The following RAET1G variants were observed in gnomAD, a reference collection of about 807,000 sequenced individuals.
RAET1G encodes UL-16 binding protein 5.
A neutral mutation model predicts 29.5 loss-of-function variants in RAET1G; 25 were observed. The ratio of observed to expected loss-of-function variants is 0.85; its 90% CI spans 0.62 to 1.18. RAET1G has a LOEUF of 1.18. Ranked by LOEUF, RAET1G falls within the 50% of genes most tolerant of loss-of-function variation. The pLI is 0.00. For synonymous variants in RAET1G, 167 were observed against 159.5 expected (o/e 1.05, Z -0.36); for missense variants, 434 against 423.6 (o/e 1.02, Z -0.22).
intron 4 of RAET1G, among the ~76,000 whole-genome samples, chr6:149,917,859 A>G (rs1362144071): frequency 6.6e-6 from 1 of 152,130 alleles, no homozygotes; most frequent in Non-Finnish European, 1.5e-5. Context: ...CCTGCAGGCC[A>G]CACACCCTTC....
chr6:149,920,795 C>T (rs1210511658), intron 1 of RAET1G, among the ~76,000 whole-genome samples: 1 of 152,144 alleles, frequency 6.6e-6, no homozygotes, highest in Non-Finnish European at 1.5e-5. Context: ...GCTCATAGAA[C>T]AAAGGGGTCC....
intron 4 of RAET1G, 53 bp from the exon 5 acceptor site, chr6:149,917,127 CTCGGACT>C: frequency 6.7e-7 from 1 of 1,481,682 alleles, no homozygotes; most frequent in Non-Finnish European, 9.0e-7. Context: ...CTATGTATTT[CTCGGACT>C]TCAATACTTT....
chr6:149,919,508 A>C, intron 2 of RAET1G, 45 bp downstream of exon 2: 1 of 1,613,936 alleles, frequency 6.2e-7, no homozygotes. Context: ...CCTCTAACCT[A>C]CCACTGTATC....
In RAET1G at chr6:149,918,251, AG is replaced by A. The variant is rs758938027; in HGVS notation, c.764del (p.Pro255LeufsTer19). ...HSLTQSHGHH[P>X]QSLQPPPHPP... The stretch of plus-strand genomic sequence containing the variant: ...GATGAGGAGGAGGCTGCAGGGACTG[AG>A]GGTGGTGGCCATGGCTTTGGGTCAG... On this transcript the variant is annotated frameshift_variant, in exon 4 of 5. Coordinates refer to ENST00000367360, the MANE Select transcript of RAET1G (RefSeq NM_001001788.4). LOFTEE classifies it high-confidence loss of function. 2.5e-6 allele frequency: 4 copies of A among 1,614,122 alleles called. No individual in the cohort carries two copies. The highest frequency in any genetic ancestry group is 1.6e-4 in the Middle Eastern group (1 of 6,062).
chr6:149,916,912 T>C lies in RAET1G; in HGVS notation c.1005A>G (p.Ter335TrpextTer?). ...AAAGACAGCTGGGCCCAGGGAACCATCAAGATATGGAGACCTGTAGTGGCT... is the reference window on the plus strand; with the variant it reads ...AAAGACAGCTGGGCCCAGGGAACCACCAAGATATGGAGACCTGTAGTGGCT... The part of the protein sequence containing the change: ...YSEPLQVSIS[*>W] The change falls in exon 5 of 5, where the codon TGA becomes TGG. Residue 335 changes from the stop codon to tryptophan, a stop_lost. Transcript: ENST00000367360. 1.3e-6 allele frequency: 2 copies of C among 1,509,402 alleles called. No homozygotes were observed. Among genetic ancestry groups the C allele is most frequent in the South Asian group, 1.3e-5 (1 of 77,208 alleles). 93.5% of individuals were successfully genotyped at this position (1,509,402 alleles called of 1,614,324 possible).
Position 149,918,619 on chromosome 6 carries a change from C to T in RAET1G, c.632-235G>A, listed in dbSNP as rs1484319637. 9.6e-6 allele frequency: 6 copies of T among 625,080 alleles called. No individual in the cohort carries two copies. The Admixed American group carries it at 1.2e-4, about 12-fold the overall frequency. 38.7% of individuals were successfully genotyped at this position (625,080 alleles called of 1,614,324 possible). A position where few individuals can be genotyped will look rare whatever the true frequency, so the allele number is the denominator to read the frequency against. On this transcript the variant is annotated intron_variant, in intron 3 of 4. Transcript: ENST00000367360. ...GGTGACAGCAAAGCCCACCCTCCTG[C>T]TGTGGCGGAAGAGGAGGTGATGCTC...
intron 1 of RAET1G, among the ~76,000 whole-genome samples, chr6:149,922,405 G>C (rs539009594): frequency 9.3e-4 from 141 of 152,246 alleles, no homozygotes; most frequent in African/African-American, 3.2e-3. Flanking sequence ...CTGCTGAGCC[G>C]CTGGGTGCAG....
chr6:149,917,362 G>A (rs6904335), intron 4 of RAET1G, among the ~76,000 whole-genome samples: 21,559 of 152,156 alleles, frequency 0.14, 2,029 homozygotes, highest in East Asian at 0.53. Context: ...TCCTTTTCCC[G>A]GTCTGCTAAG....
intron 3 of RAET1G, 145 bp downstream of exon 3, chr6:149,918,897 GC>G (rs1778520961): frequency 7.6e-7 from 1 of 1,322,022 alleles, no homozygotes; most frequent in African/African-American, 1.5e-5. Flanking sequence ...AGGCACGCCA[GC>G]ACCCCCAGGA....
Position 149,922,966 on chromosome 6 carries a change from A to C in RAET1G, c.45T>G (p.Leu15=). ...ASPAFLLRLP[L]LLLLSSWCRT... is the part of the protein sequence containing the mutation. ...TGCACCAGCTGGACAGCAGGAGCAG[A>C]AGCGGGAGGCGTAGAAGGAACGCGG... The change falls in exon 1 of 5, where the codon CTT becomes CTG. Residue 15 remains leucine (L), a synonymous_variant. Coordinates refer to ENST00000367360, the MANE Select transcript of RAET1G (RefSeq NM_001001788.4). 1 of 1,606,456 alleles carries C rather than the reference A, an allele frequency of 6.2e-7. No individual in the cohort carries two copies. Among genetic ancestry groups the C allele is most frequent in the Non-Finnish European group, 8.5e-7 (1 of 1,177,208 alleles).
Position 149,923,086 on chromosome 6 carries a change from A to G in RAET1G, c.-76T>C. The stretch of plus-strand genomic sequence containing the variant: ...CACCTGGCGGCTCGCAGGCTGTCTG[A>G]ATGCAGCCCGTCTGAATGCAGCCCT... On this transcript the variant is annotated 5_prime_UTR_variant, in exon 1 of 5. Coordinates refer to ENST00000367360, the MANE Select transcript of RAET1G (RefSeq NM_001001788.4). 1 of 737,798 alleles carries G rather than the reference A, an allele frequency of 1.4e-6. No homozygotes were observed. Among genetic ancestry groups the G allele is most frequent in the Admixed American group, 2.8e-5 (1 of 35,884 alleles). 45.7% of individuals were successfully genotyped at this position (737,798 alleles called of 1,614,324 possible). A position where few individuals can be genotyped will look rare whatever the true frequency, so the allele number is the denominator to read the frequency against.
Position 149,917,086 on chromosome 6 carries a change from A to T in RAET1G, c.843-12T>A. The T allele has an allele frequency of 1.3e-6, 2 of 1,541,148 alleles. No individual in the cohort carries two copies. The highest frequency in any genetic ancestry group is 1.8e-6 in the Non-Finnish European group (2 of 1,142,314). On this transcript the variant is annotated splice_polypyrimidine_tract_variant and intron_variant, in intron 4 of 4. Coordinates refer to ENST00000367360, the MANE Select transcript of RAET1G (RefSeq NM_001001788.4). ...TCGCTATTTGGTAGCTGAGGCGGAG[A>T]GAGAGAGGACAGCTTACGTCATTGT...
At position 149,918,307 on chromosome 6, in the gene RAET1G, T is replaced by C. The variant is rs1245661232; in HGVS notation, c.709A>G (p.Met237Val). 6.2e-7 allele frequency: 1 copy of C among 1,613,998 alleles called. No homozygotes were observed. The highest frequency in any genetic ancestry group is 8.5e-7 in the Non-Finnish European group (1 of 1,179,982). ...TGCCTGGAGCATATGAGGAGACACA[T>C]GATGAGGAGGCAGCAAAGGATGAGG... The part of the protein sequence containing the change: ...TTLILCCLLI[M>V]CLLICSRHSL... Residue 237 changes from methionine (M) to valine (V), a missense_variant, in exon 4 of 5, where the codon ATG becomes GTG. Transcript: ENST00000367360.
intron 3 of RAET1G, 125 bp from the exon 4 acceptor site, chr6:149,918,509 AG>A (rs1778507127): frequency 2.7e-6 from 3 of 1,108,706 alleles, no homozygotes; most frequent in Non-Finnish European, 4.0e-6. Flanking sequence ...GCTATGGGGC[AG>A]CCCCTGGGAG....
At chr6:149,922,262 C>T (rs751711581) in intron 1 of RAET1G, among the ~76,000 whole-genome samples, 16 of 152,070 alleles carry the variant, frequency 1.1e-4, no homozygotes, top group Non-Finnish European at 2.4e-4. Context: ...GAAGGTGTCA[C>T]GTGGTGTAAG....
chr6:149,918,140 G>T (rs770068475), intron 4 of RAET1G, 34 bp downstream of exon 4: 1 of 1,586,522 alleles, frequency 6.3e-7, no homozygotes, highest in South Asian at 1.1e-5. Context: ...TCACCCACCT[G>T]CCCTTTGCTC....
chr6:149,919,848 G>A, intron 1 of RAET1G, 32 bp from the exon 2 acceptor site: 2 of 1,612,000 alleles, frequency 1.2e-6, no homozygotes, highest in Non-Finnish European at 1.7e-6. Context: ...GGGTGGGTGG[G>A]GAGGAAAAGA....
chr6:149,920,580 T>C (rs1016056848), intron 1 of RAET1G, among the ~76,000 whole-genome samples: 8 of 152,164 alleles, frequency 5.3e-5, no homozygotes, highest in Non-Finnish European at 1.0e-4. Flanking sequence ...AGCTCAGGGA[T>C]GCCTATTGCT....
At chr6:149,920,224 C>A (rs540992705) in intron 1 of RAET1G, among the ~76,000 whole-genome samples, 1 of 152,024 alleles carries the variant, frequency 6.6e-6, no homozygotes, top group Non-Finnish European at 1.5e-5. Context: ...CATGGTGGGA[C>A]GGAGTGAGGA....
Sources: allele counts gnomAD v4.1 joint callset (sites outside exome capture counted in the v4.1 genomes callset), GRCh38; gene constraint gnomAD v4.1.1; transcripts MANE v1.5; gene names NCBI Gene and HGNC (gene_info 2026-07-23, HGNC 2026-07-21).